The following SORCS1 variants were observed in gnomAD, a reference collection of about 807,000 sequenced individuals.
SORCS1 encodes the protein VPS10 domain-containing receptor SorCS1.
SORCS1 carries 60 observed loss-of-function variants against 146.1 expected under a neutral mutation model. The ratio of observed to expected loss-of-function variants is 0.41; its 90% CI spans 0.33 to 0.51. SORCS1 has a LOEUF of 0.51. SORCS1 is among the 20% of genes least tolerant of loss of function. The pLI is 0.21. For missense variants in SORCS1, 1,352 were observed against 1,487.6 expected (o/e 0.91, Z 1.50); for synonymous variants, 637 against 584.0 (o/e 1.09, Z -1.31).
chr10:107,119,436 T>A (rs551955411), intron 1 of SORCS1, among the ~76,000 whole-genome samples: 106 of 152,338 alleles, frequency 7.0e-4, no homozygotes, highest in African/African-American at 2.5e-3. Context: ...CAATTTAATC[T>A]TTCAAGGGAA....
chr10:107,169,136 T>C (rs752398356), upstream of SORCS1, among the ~76,000 whole-genome samples: 2 of 152,218 alleles, frequency 1.3e-5, no homozygotes, highest in Non-Finnish European at 2.9e-5. Context: ...CTAAGTCTCT[T>C]GATTTTTGAT....
At chr10:106,708,175 T>C (rs1854671182) in intron 7 of SORCS1, among the ~76,000 whole-genome samples, 2 of 152,312 alleles carry the variant, frequency 1.3e-5, no homozygotes, top group Admixed American at 1.3e-4. Context: ...ACTATTCGAA[T>C]GTCCATTGAC....
chr10:107,000,477 C>T (rs1454683565), intron 1 of SORCS1, among the ~76,000 whole-genome samples: 5 of 151,552 alleles, frequency 3.3e-5, no homozygotes, highest in South Asian at 2.1e-4. Flanking sequence ...CGTGGTGGCA[C>T]GCGCCTGTAG....
chr10:106,840,242 T>C (rs1486988510), intron 2 of SORCS1, among the ~76,000 whole-genome samples: 1 of 152,332 alleles, frequency 6.6e-6, no homozygotes, highest in African/African-American at 2.4e-5. Flanking sequence ...AGAACATTCA[T>C]AATTCATGGG....
At chr10:106,632,029 T>G (rs1399729447) in intron 18 of SORCS1, among the ~76,000 whole-genome samples, 1 of 152,180 alleles carries the variant, frequency 6.6e-6, no homozygotes, top group Non-Finnish European at 1.5e-5. Context: ...AAGGTTTCCA[T>G]TTCAGAGTCA....
intron 19 of SORCS1, among the ~76,000 whole-genome samples, chr10:106,622,532 C>T (rs578236673): frequency 6.6e-6 from 1 of 152,166 alleles, no homozygotes; most frequent in East Asian, 1.9e-4. Flanking sequence ...TTTGTGCATG[C>T]TACTCCCTCT....
Position 106,674,328 on chromosome 10 carries a change from C to CAAAAA in SORCS1, c.1940+716_1940+720dup, listed in dbSNP as rs10658432. On this transcript the variant is annotated intron_variant, in intron 14 of 25. Coordinates refer to ENST00000263054, the MANE Select transcript of SORCS1 (RefSeq NM_052918.5). Reference sequence around the variant, plus strand: ...TGGGCGACAGAGTAAGACTCCGTCTCAAAAAAAAAAAAAAAAAAAAAAAAA... The same window carrying CAAAAA: ...TGGGCGACAGAGTAAGACTCCGTCTCAAAAAAAAAAAAAAAAAAAAAAAAAAAAAA... Among the ~76,000 whole-genome samples the CAAAAA allele has an allele frequency of 1.5e-3, 40 of 27,368 alleles. 8 individuals carry two copies. The highest frequency in any genetic ancestry group is 8.9e-3 in the East Asian group (5 of 562). 18.0% of individuals were successfully genotyped at this position (27,368 alleles called of 152,430 possible). A position where few individuals can be genotyped will look rare whatever the true frequency, so the allele number is the denominator to read the frequency against.
intron 2 of SORCS1, among the ~76,000 whole-genome samples, chr10:106,933,581 T>G (rs1313352454): frequency 6.6e-6 from 1 of 152,114 alleles, no homozygotes; most frequent in Non-Finnish European, 1.5e-5. Context: ...ACACTTACTC[T>G]CAAGGAGTCC....
At chr10:107,002,506 G>C (rs1957262788) in intron 1 of SORCS1, among the ~76,000 whole-genome samples, 1 of 152,098 alleles carries the variant, frequency 6.6e-6, no homozygotes, top group Admixed American at 6.6e-5. Flanking sequence ...AGCCCACATA[G>C]CACATAATGA....
At chr10:106,967,268 T>C (rs1360637862) in intron 1 of SORCS1, among the ~76,000 whole-genome samples, 1 of 152,190 alleles carries the variant, frequency 6.6e-6, no homozygotes, top group African/African-American at 2.4e-5. Context: ...AAAATATATA[T>C]CCATATATAA....
At chr10:106,683,386 A>G (rs1173449978) in intron 10 of SORCS1, among the ~76,000 whole-genome samples, 4 of 152,080 alleles carry the variant, frequency 2.6e-5, no homozygotes, top group African/African-American at 9.7e-5. Flanking sequence ...CTCTGCTTCC[A>G]TGAGTTTGAT....
intron 21 of SORCS1, among the ~76,000 whole-genome samples, chr10:106,616,570 T>C (rs1382722288): frequency 6.6e-6 from 1 of 152,198 alleles, no homozygotes; most frequent in Non-Finnish European, 1.5e-5. Flanking sequence ...TGCCGCACTC[T>C]ATACACAGCC....
At chr10:106,959,516 A>G (rs1469420316) in intron 1 of SORCS1, among the ~76,000 whole-genome samples, 2 of 152,146 alleles carry the variant, frequency 1.3e-5, no homozygotes, top group Admixed American at 6.5e-5. Flanking sequence ...CAGCAATACT[A>G]TTTCACAAAT....
At chr10:107,040,190 A>C (rs1471122505) in intron 1 of SORCS1, among the ~76,000 whole-genome samples, 19 of 152,190 alleles carry the variant, frequency 1.2e-4, no homozygotes, top group Non-Finnish European at 4.4e-5. Context: ...CAATGACTCC[A>C]TAGAGTAACA....
the SORCS1 span, among the ~76,000 whole-genome samples, chr10:107,177,351 G>C: frequency 6.6e-6 from 1 of 151,984 alleles, no homozygotes; most frequent in African/African-American, 2.4e-5. Context: ...GTACTCTTTG[G>C]CCAGTTTCCC....
chr10:106,744,584 T>C (rs1329125505), intron 5 of SORCS1, among the ~76,000 whole-genome samples: 7 of 152,196 alleles, frequency 4.6e-5, no homozygotes, highest in African/African-American at 1.7e-4. Flanking sequence ...ATGTTTAGAA[T>C]ATTTACCTTA....
At chr10:106,873,551 A>C (rs940119915) in intron 2 of SORCS1, among the ~76,000 whole-genome samples, 1 of 152,198 alleles carries the variant, frequency 6.6e-6, no homozygotes, top group South Asian at 2.1e-4. Context: ...CATGGCCTAC[A>C]TAAACTCTTC....
intron 10 of SORCS1, among the ~76,000 whole-genome samples, chr10:106,680,288 C>T (rs1016415235): frequency 6.6e-5 from 10 of 152,146 alleles, no homozygotes; most frequent in African/African-American, 2.2e-4. Flanking sequence ...CACAGTATGT[C>T]ATCAGAAAAG....
intron 7 of SORCS1, among the ~76,000 whole-genome samples, chr10:106,708,728 T>C (rs1315115106): frequency 6.6e-6 from 1 of 152,212 alleles, no homozygotes; most frequent in Non-Finnish European, 1.5e-5. Context: ...ACTCTCCCCC[T>C]GGCCTCTGCC....
Sources: allele counts gnomAD v4.1 joint callset (sites outside exome capture counted in the v4.1 genomes callset), GRCh38; gene constraint gnomAD v4.1.1; transcripts MANE v1.5; gene names NCBI Gene and HGNC (gene_info 2026-07-23, HGNC 2026-07-21).